The following C11orf16 variants were observed in gnomAD, a reference collection of about 807,000 sequenced individuals.
The protein encoded by C11orf16 is chromosome 11 open reading frame 16.
C11orf16 carries 38 observed loss-of-function variants against 45.1 expected under a neutral mutation model. The ratio of observed to expected loss-of-function variants is 0.84; its 90% CI spans 0.65 to 1.10. The LOEUF is 1.10. C11orf16 is among the 50% of genes least tolerant of loss of function. The pLI is 0.00. For missense variants in C11orf16, 583 were observed against 569.5 expected, an observed-to-expected ratio of 1.02 and a Z score of -0.24; for synonymous variants, 221 against 222.0, an observed-to-expected ratio of 1.00 and a Z score of 0.04.
intron 2 of C11orf16, among the ~76,000 whole-genome samples, chr11:8,930,285 G>A (rs77388086): frequency 3.0e-4 from 46 of 151,956 alleles, no homozygotes; most frequent in Non-Finnish European, 4.3e-4. Context: ...AATTAGGTGG[G>A]CGTGGTGGTG....
At position 8,925,713 on chromosome 11, in the gene C11orf16, C is replaced by T. The variant is rs1311994441; in HGVS notation, c.954G>A (p.Leu318=). Residue 318 remains leucine (L), a synonymous_variant, in exon 5 of 7, where the codon CTG becomes CTA. Coordinates refer to ENST00000326053, the MANE Select transcript of C11orf16 (RefSeq NM_020643.3). ...ELEPTAQLLP[L]EGPKEEKVAM... ...CTACTTTCTCCTCTTTAGGACCTTC[C>T]AGGGGCAAAAGCTGTGCTGTGGGCT... is the stretch of plus-strand genomic sequence containing the variant. 2 of 1,614,104 alleles carry T rather than the reference C, an allele frequency of 1.2e-6. No homozygotes were observed. The highest frequency in any genetic ancestry group is 2.2e-5 in the East Asian group (1 of 44,904).
In C11orf16 at chr11:8,926,987, C is replaced by T. The variant is rs1297876107; in HGVS notation, c.512G>A (p.Gly171Asp). 3 of 1,613,964 alleles carry T rather than the reference C, an allele frequency of 1.9e-6. No individual in the cohort carries two copies. The African/African-American group carries it at 4.0e-5, about 22-fold the overall frequency. ...ALWEPGQQQY[G>D]PGTVLLGLEM... The stretch of plus-strand genomic sequence containing the variant: ...CAAGCCCAAAAGAACAGTGCCAGGG[C>T]CATACTGCTGTTGGCCTGGCTCCCA... The change falls in exon 4 of 7, where the codon GGC (glycine) becomes GAC (aspartate). Residue 171 changes from glycine to aspartate, a missense_variant. By Grantham distance (94) the Gly-to-Asp change is moderately conservative. Coordinates refer to ENST00000326053, the MANE Select transcript of C11orf16 (RefSeq NM_020643.3).
Position 8,921,401 on chromosome 11 carries a change from G to A in C11orf16, c.1319C>T (p.Pro440Leu). 1 of 1,614,190 alleles carries A rather than the reference G, an allele frequency of 6.2e-7. No individual in the cohort carries two copies. The highest frequency in any genetic ancestry group is 1.1e-5 in the South Asian group (1 of 91,082). The change falls in exon 6 of 7, where the codon CCA becomes CTA. Residue 440 changes from proline to leucine, a missense_variant. By Grantham distance (98) the Pro-to-Leu change is moderately conservative (BLOSUM62 -3). Coordinates refer to ENST00000326053, the MANE Select transcript of C11orf16 (RefSeq NM_020643.3). ...AGCTTCCCCTGGCGGGGTCCGCGGT[G>A]GCTTCATGTGGGTTGCTTTCGAGAC... ...ELVSKATHMK[P>L]PRTPPGEAEH...
At chr11:8,928,461 T>C (rs906067849) in intron 3 of C11orf16, among the ~76,000 whole-genome samples, 1 of 152,134 alleles carries the variant, frequency 6.6e-6, no homozygotes, top group African/African-American at 2.4e-5. Context: ...CTAGTGTTCA[T>C]TCAACACACT....
rs778680108 is a variant in C11orf16, at chr11:8,921,398, G to C, written c.1322C>G (p.Pro441Arg). The change falls in exon 6 of 7, where the codon CCG becomes CGG. Residue 441 changes from proline (P) to arginine (R), a missense_variant. Pro to Arg is a moderately radical substitution (Grantham distance 103). Coordinates refer to ENST00000326053, the MANE Select transcript of C11orf16 (RefSeq NM_020643.3). ...TTCAGCTTCCCCTGGCGGGGTCCGC[G>C]GTGGCTTCATGTGGGTTGCTTTCGA... ...LVSKATHMKP[P>R]RTPPGEAEHR... The C allele has an allele frequency of 6.2e-7, 1 of 1,614,170 alleles. No individual in the cohort carries two copies. Among genetic ancestry groups the C allele is most frequent in the South Asian group, 1.1e-5 (1 of 91,086 alleles).
At chr11:8,924,486 A>C (rs2064595410) in intron 5 of C11orf16, among the ~76,000 whole-genome samples, 1 of 150,040 alleles carries the variant, frequency 6.7e-6, no homozygotes, top group Non-Finnish European at 1.5e-5. Flanking sequence ...AAATCATGCC[A>C]CTGCACTCCA....
In C11orf16 at chr11:8,927,250, GC is replaced by G. The variant is rs1223120614; in HGVS notation, c.325-77del. On this transcript the variant is annotated intron_variant, in intron 3 of 6. Transcript: ENST00000326053. ...AGGGAGCACCCAGGTTCCCTACGAT[GC>G]CCCCCAAATCAGGCCCAGGGGCTGC... 1.3e-5 allele frequency: 15 copies of G among 1,195,708 alleles called. No homozygotes were observed. In the East Asian group the frequency reaches 2.8e-4, roughly 22 times the overall value. 74.1% of individuals were successfully genotyped at this position (1,195,708 alleles called of 1,614,324 possible).
chr11:8,926,871 C>G, intron 4 of C11orf16, 69 bp downstream of exon 4: 11 of 1,283,966 alleles, frequency 8.6e-6, no homozygotes, highest in Admixed American at 1.8e-5. Context: ...GCAGCCTTGG[C>G]TCTCTCCTCT....
intron 2 of C11orf16, among the ~76,000 whole-genome samples, chr11:8,931,293 G>A (rs1249259099): frequency 3.3e-5 from 5 of 151,840 alleles, no homozygotes; most frequent in Admixed American, 2.0e-4. Flanking sequence ...GCGCTGTCTC[G>A]GCTCACTGCA....
chr11:8,932,164 T>G lies in C11orf16; in HGVS notation c.145A>C (p.Thr49Pro), dbSNP rs1052432544. ...YPFALQAPWL[T>P]GHKPLARHAS... ...TACCTTGCAAGGGGCTTGTGCCCGG[T>G]GAGCCAGGGTGCTTGGAGGGCAAAG... The change falls in exon 2 of 7, where the codon ACC (threonine) becomes CCC (proline). Residue 49 changes from threonine (T) to proline (P), a missense_variant. Thr to Pro is a conservative substitution (Grantham distance 38). Transcript: ENST00000326053. The G allele has an allele frequency of 1.3e-6, 2 of 1,584,950 alleles. No homozygotes were observed. Among genetic ancestry groups the G allele is most frequent in the Admixed American group, 3.7e-5 (2 of 54,280 alleles).
intron 3 of C11orf16, chr11:8,927,847 A>G (rs1348554795): frequency 1.4e-5 from 4 of 290,200 alleles, no homozygotes; most frequent in Non-Finnish European, 2.8e-5. Context: ...GACAGAACCT[A>G]TATTTGAGCA....
intron 2 of C11orf16, 132 bp downstream of exon 2, chr11:8,932,010 A>C: frequency 6.2e-6 from 6 of 967,546 alleles, no homozygotes; most frequent in Non-Finnish European, 8.9e-6. Flanking sequence ...TGCCAATCAT[A>C]GGCCAAACAA....
At chr11:8,928,725 T>C (rs1338940367) in intron 3 of C11orf16, among the ~76,000 whole-genome samples, 1 of 152,130 alleles carries the variant, frequency 6.6e-6, no homozygotes, top group Non-Finnish European at 1.5e-5. Context: ...GGTCTTGAAC[T>C]CCTGGCCTCA....
chr11:8,932,071 A>G, intron 2 of C11orf16, 71 bp downstream of exon 2: 1 of 1,434,644 alleles, frequency 7.0e-7, no homozygotes, highest in Non-Finnish European at 9.3e-7. Context: ...ACCAAGGTCT[A>G]CCACCAACAG....
In C11orf16 at chr11:8,921,268, G is replaced by T. The variant is rs567916892; in HGVS notation, c.*22+26C>A. ...GACCCATGTGAGGAGTCCTTAGGAA[G>T]CCCCTTTCCAGCCATTCTGCTTTAC... On this transcript the variant is annotated intron_variant, in intron 6 of 6. Coordinates refer to ENST00000326053, the MANE Select transcript of C11orf16 (RefSeq NM_020643.3). 6.3e-6 allele frequency: 10 copies of T among 1,591,736 alleles called. No individual in the cohort carries two copies. The African/African-American group carries it at 1.2e-4, about 19-fold the overall frequency.
At chr11:8,922,239 G>A (rs1046726010) in intron 5 of C11orf16, among the ~76,000 whole-genome samples, 8 of 152,140 alleles carry the variant, frequency 5.3e-5, no homozygotes, top group African/African-American at 1.9e-4. Context: ...TGGGTGCATT[G>A]GTGCACACCT....
chr11:8,925,944 A>G lies in C11orf16; in HGVS notation c.723T>C (p.Pro241=), dbSNP rs1402391212. 3 of 1,614,054 alleles carry G rather than the reference A, an allele frequency of 1.9e-6. No homozygotes were observed. The South Asian group carries it at 3.3e-5, about 18-fold the overall frequency. The part of the protein sequence containing the change: ...REHPRPLHWA[P]CCSLLGPITG... ...TGATTGGCCCTAGCAGAGAGCAGCA[A>G]GGGGCCCAGTGAAGGGGCCTGGGGT... Residue 241 remains proline, a synonymous_variant, in exon 5 of 7, where the codon CCT becomes CCC. Coordinates refer to ENST00000326053, the MANE Select transcript of C11orf16 (RefSeq NM_020643.3).
At chr11:8,931,494 A>C (rs1046376796) in intron 2 of C11orf16, among the ~76,000 whole-genome samples, 1 of 152,106 alleles carries the variant, frequency 6.6e-6, no homozygotes, top group African/African-American at 2.4e-5. Context: ...GAGTTCAAGC[A>C]ATTCTCTGCC....
rs755119337 is a variant in C11orf16 at position 8,929,499 on chromosome 11, C to T, written c.202G>A (p.Asp68Asn). The change falls in exon 3 of 7, where the codon GAC (aspartate) becomes AAC (asparagine). Residue 68 changes from aspartate (D) to asparagine (N), a missense_variant. By Grantham distance (23) the Asp-to-Asn change is conservative. Coordinates refer to ENST00000326053, the MANE Select transcript of C11orf16 (RefSeq NM_020643.3). Reference sequence around the variant, plus strand: ...CAGCCAGGCCCCTGCCATGCTGGGTCGGCAACGTGGAGACATGGGCAAGAA... The same window carrying T: ...CAGCCAGGCCCCTGCCATGCTGGGTTGGCAACGTGGAGACATGGGCAAGAA... ...ASSCPCLHVADPAWQGPGWLG... is the reference protein window; with the variant it reads ...ASSCPCLHVANPAWQGPGWLG... 1.4e-5 allele frequency: 22 copies of T among 1,613,696 alleles called. No individual in the cohort carries two copies. The highest frequency in any genetic ancestry group is 1.6e-4 in the Middle Eastern group (1 of 6,080).
Sources: gnomAD v4.1 joint callset for allele counts (sites outside exome capture counted in the v4.1 genomes callset) on GRCh38, gnomAD v4.1.1 for gene constraint, MANE v1.5 for transcripts, NCBI Gene and HGNC (gene_info 2026-07-23, HGNC 2026-07-21) for gene names.